The following ASTN1 variants were observed in gnomAD, a reference collection of about 807,000 sequenced individuals.
The protein encoded by ASTN1 is astrotactin 1, also known as astrotactin-1.
A neutral mutation model predicts 140.7 loss-of-function variants in ASTN1; 41 were observed. The ratio of observed to expected loss-of-function variants is 0.29; its 90% CI spans 0.23 to 0.38. The LOEUF is 0.38. Among genes scored for constraint, ASTN1 ranks in the 10% least tolerant of loss-of-function variants. ASTN1 has a pLI of 1.00. For synonymous variants in ASTN1, 640 were observed against 652.2 expected, an observed-to-expected ratio of 0.98 and a Z score of 0.29; for missense variants, 1,479 against 1,678.8, an observed-to-expected ratio of 0.88 and a Z score of 2.08.
At chr1:176,927,111 T>G (rs1287076489) in intron 16 of ASTN1, among the ~76,000 whole-genome samples, 1 of 152,220 alleles carries the variant, frequency 6.6e-6, no homozygotes, top group African/African-American at 2.4e-5. Flanking sequence ...TACCGCTGCT[T>G]AGAGCCTGAG....
At chr1:177,083,878 T>G (rs1277716711) in intron 1 of ASTN1, among the ~76,000 whole-genome samples, 1 of 152,082 alleles carries the variant, frequency 6.6e-6, no homozygotes, top group Non-Finnish European at 1.5e-5. Context: ...TCAGAGAGAG[T>G]CAGAGGTCTC....
intron 1 of ASTN1, among the ~76,000 whole-genome samples, chr1:177,104,684 C>T (rs77271675): frequency 0.072 from 11,004 of 152,282 alleles, 465 homozygotes; most frequent in Middle Eastern, 0.17. Context: ...TTTTCCTTCC[C>T]AGCAAAAGCA....
intron 2 of ASTN1, among the ~76,000 whole-genome samples, chr1:177,055,219 C>T (rs1316043448): frequency 6.6e-6 from 1 of 152,228 alleles, no homozygotes; most frequent in Non-Finnish European, 1.5e-5. Context: ...CTTTCTGCTA[C>T]ATCTCAGCTC....
At chr1:176,912,569 G>T (rs1465050037) in intron 16 of ASTN1, among the ~76,000 whole-genome samples, 2 of 152,048 alleles carry the variant, frequency 1.3e-5, no homozygotes, top group Non-Finnish European at 2.9e-5. Context: ...CATTCTCATT[G>T]AATTCTTAGA....
intron 21 of ASTN1, among the ~76,000 whole-genome samples, chr1:176,874,274 G>A (rs1668471966): frequency 6.6e-6 from 1 of 152,162 alleles, no homozygotes; most frequent in Non-Finnish European, 1.5e-5. Flanking sequence ...CCTCATCAGG[G>A]AATTGCAGAG....
At position 176,936,452 on chromosome 1, in the gene ASTN1, G is replaced by A. The variant is rs1458950340; in HGVS notation, c.2378-82C>T. 15 of 1,055,866 alleles carry A rather than the reference G, an allele frequency of 1.4e-5. No homozygotes were observed. In the Admixed American group the frequency reaches 2.1e-4, roughly 15 times the overall value. 65.4% of individuals were successfully genotyped at this position (1,055,866 alleles called of 1,614,324 possible). A position where few individuals can be genotyped will look rare whatever the true frequency, so the allele number is the denominator to read the frequency against. On this transcript the variant is annotated intron_variant, in intron 14 of 22. Coordinates refer to ENST00000361833, the MANE Select transcript of ASTN1 (RefSeq NM_004319.3). ...AAAAAGCATGACCCACCTCTATGAGGCGAAGTGTTGTAATTGTGAGAAAAT... is the reference window on the plus strand; with the variant it reads ...AAAAAGCATGACCCACCTCTATGAGACGAAGTGTTGTAATTGTGAGAAAAT...
chr1:176,870,843 C>T (rs1187681794), intron 21 of ASTN1, among the ~76,000 whole-genome samples: 1 of 152,124 alleles, frequency 6.6e-6, no homozygotes, highest in Non-Finnish European at 1.5e-5. Flanking sequence ...AGTTGTTTAT[C>T]AAAGGCCTAT....
chr1:176,940,240 A>C (rs931779655), intron 14 of ASTN1, among the ~76,000 whole-genome samples: 5 of 152,182 alleles, frequency 3.3e-5, no homozygotes, highest in African/African-American at 1.2e-4. Flanking sequence ...TCAGAAAACC[A>C]ACCCATTATC....
chr1:176,894,948 G>C (rs188864464), intron 16 of ASTN1, 118 bp from the exon 17 acceptor site: 73 of 1,385,272 alleles, frequency 5.3e-5, no homozygotes, highest in Non-Finnish European at 4.5e-5. Context: ...CCACTGAAGG[G>C]GTAAGAATGT....
chr1:176,889,196 G>A (rs1427336481), intron 17 of ASTN1, among the ~76,000 whole-genome samples: 1 of 152,206 alleles, frequency 6.6e-6, no homozygotes, highest in Non-Finnish European at 1.5e-5. Context: ...TGGTGGCGAC[G>A]TGGATCCTGA....
At chr1:176,955,045 T>C (rs1216497884) in intron 11 of ASTN1, among the ~76,000 whole-genome samples, 1 of 152,228 alleles carries the variant, frequency 6.6e-6, no homozygotes, top group Non-Finnish European at 1.5e-5. Context: ...GGGTATATGC[T>C]CTGCCTCTGC....
intron 8 of ASTN1, among the ~76,000 whole-genome samples, chr1:176,997,769 T>C (rs1270518130): frequency 6.6e-6 from 1 of 151,976 alleles, no homozygotes; most frequent in Admixed American, 6.6e-5. Context: ...ATTGCCACAA[T>C]AGATAGTCAC....
intron 8 of ASTN1, chr1:176,981,782 G>A (rs554069976): frequency 1.3e-5 from 2 of 152,816 alleles, no homozygotes; most frequent in South Asian, 4.1e-4. Flanking sequence ...TGCTAGGGAA[G>A]GGAGGAAAAC....
chr1:177,014,620 G>A (rs1408142603), intron 8 of ASTN1, among the ~76,000 whole-genome samples, 171 bp downstream of exon 8: 3 of 152,156 alleles, frequency 2.0e-5, no homozygotes, highest in Non-Finnish European at 1.5e-5. Context: ...TGATATAGAC[G>A]TCACTGGAAT....
chr1:177,121,666 C>G (rs1681393733), intron 1 of ASTN1, among the ~76,000 whole-genome samples: 1 of 152,122 alleles, frequency 6.6e-6, no homozygotes, highest in Admixed American at 6.6e-5. Context: ...TCTTCCCTTC[C>G]TCCAACTTCT....
rs1203104798 is a variant in ASTN1 at position 177,054,147 on chromosome 1, A to T, written c.471+6931T>A. ...TGTGGACTGCCTTGATTCAATTCAT[A>T]GTCCTGCAAACTAATAGTTGTTTAC... is the stretch of plus-strand genomic sequence containing the variant. On this transcript the variant is annotated intron_variant, in intron 2 of 22. Coordinates refer to ENST00000361833, the MANE Select transcript of ASTN1 (RefSeq NM_004319.3). 7.9e-5 allele frequency among the ~76,000 whole-genome samples: 12 copies of T among 152,202 alleles called. 1 individual carries two copies. Among genetic ancestry groups the T allele is most frequent in the Admixed American group, 7.9e-4 (12 of 15,276 alleles).
intron 21 of ASTN1, among the ~76,000 whole-genome samples, chr1:176,875,917 C>T (rs555025317): frequency 4.6e-5 from 7 of 152,150 alleles, no homozygotes; most frequent in Middle Eastern, 3.4e-3. Flanking sequence ...AAGACCAGCC[C>T]GGTATTGTCA....
At chr1:176,873,152 G>C (rs994589071) in intron 21 of ASTN1, among the ~76,000 whole-genome samples, 1 of 152,190 alleles carries the variant, frequency 6.6e-6, no homozygotes, top group East Asian at 1.9e-4. Flanking sequence ...TCGATAAATG[G>C]CTGTGGAAAG....
At chr1:177,060,395 AGT>A (rs1199914991) in intron 2 of ASTN1, among the ~76,000 whole-genome samples, 1 of 152,200 alleles carries the variant, frequency 6.6e-6, no homozygotes, top group African/African-American at 2.4e-5. Flanking sequence ...AGAACTTGGT[AGT>A]GGCAAGCAGC....
Sources: gnomAD v4.1 joint callset for allele counts (sites outside exome capture counted in the v4.1 genomes callset) on GRCh38, gnomAD v4.1.1 for gene constraint, MANE v1.5 for transcripts, NCBI Gene and HGNC (gene_info 2026-07-23, HGNC 2026-07-21) for gene names.